Variants in OR2A12 observed in about 807,000 individuals in gnomAD.
OR2A12 encodes the protein olfactory receptor 2A12.
For missense variants in OR2A12, 380 were observed against 372.5 expected (o/e 1.02, Z -0.17); for synonymous variants, 153 against 149.3 (o/e 1.02, Z -0.18).
intron 1 of OR2A12, among the ~76,000 whole-genome samples, chr7:144,089,935 G>A (rs1586899864): frequency 6.6e-6 from 1 of 151,982 alleles, no homozygotes; most frequent in East Asian, 1.9e-4. Flanking sequence ...TTCACCTCTG[G>A]GTTCACTTTT....
rs2051283928 is a variant in OR2A12, at chr7:144,098,794, A to T, written c.*2754A>T. On this transcript the variant is annotated 3_prime_UTR_variant, in exon 2 of 2. Transcript: ENST00000641592. ...CTAACTCTATGTACAACTGTAGCTT[A>T]CACCAATGACCCATTGATTCAAGAC... The T allele has an allele frequency of 6.6e-6, 1 of 152,238 alleles. No homozygotes were observed. The highest frequency in any genetic ancestry group is 1.5e-5 in the Non-Finnish European group (1 of 68,036). 9.4% of individuals were successfully genotyped at this position (152,238 alleles called of 1,614,324 possible).
At chr7:144,094,532 T>C (rs1315949330) in intron 1 of OR2A12, among the ~76,000 whole-genome samples, 18 of 152,252 alleles carry the variant, frequency 1.2e-4, no homozygotes, top group Admixed American at 7.8e-4. Flanking sequence ...TATGAAGGAG[T>C]TGTCACATTT....
In OR2A12 at chr7:144,095,998, A is replaced by G. The variant is rs1426271447; in HGVS notation, c.891A>G (p.Lys297=). Residue 297 remains lysine, a synonymous_variant, in exon 2 of 2, where the codon AAA becomes AAG. Coordinates refer to ENST00000641592, the MANE Select transcript of OR2A12 (RefSeq NM_001004135.2). ...LIYSLRNAEV[K]GALKRVLWKQ... Reference sequence around the variant, plus strand: ...ACAGCCTTAGGAATGCAGAGGTGAAAGGGGCTCTAAAGAGAGTCCTTTGGA... The same window carrying G: ...ACAGCCTTAGGAATGCAGAGGTGAAGGGGGCTCTAAAGAGAGTCCTTTGGA... 2 of 1,611,492 alleles carry G rather than the reference A, an allele frequency of 1.2e-6. No individual in the cohort carries two copies. Among genetic ancestry groups the G allele is most frequent in the Admixed American group, 3.3e-5 (2 of 59,724 alleles).
chr7:144,091,525 T>C (rs551664778), intron 1 of OR2A12, among the ~76,000 whole-genome samples: 1 of 152,218 alleles, frequency 6.6e-6, no homozygotes, highest in Non-Finnish European at 1.5e-5. Context: ...CCAGCATCTG[T>C]TATGTTTTGA....
chr7:144,093,914 TG>T (rs563191979), intron 1 of OR2A12, among the ~76,000 whole-genome samples: 91 of 152,138 alleles, frequency 6.0e-4, no homozygotes, highest in African/African-American at 2.1e-3. Flanking sequence ...TCTTTGCTAT[TG>T]TGAATAGTGC....
In OR2A12 at chr7:144,095,408, T is replaced by C. The variant is rs774461418; in HGVS notation, c.301T>C (p.Phe101Leu). 2 of 1,613,698 alleles carry C rather than the reference T, an allele frequency of 1.2e-6. No individual in the cohort carries two copies. Among genetic ancestry groups the C allele is most frequent in the South Asian group, 1.1e-5 (1 of 91,076 alleles). Residue 101 changes from phenylalanine to leucine, a missense_variant, in exon 2 of 2, where the codon TTT (phenylalanine) becomes CTT (leucine). Coordinates refer to ENST00000641592, the MANE Select transcript of OR2A12 (RefSeq NM_001004135.2). The part of the protein sequence containing the change: ...ISFAPCILQT[F>L]LYLAFAITEC... ...CTTTGCTCCTTGCATACTTCAGACT[T>C]TTTTGTATTTGGCGTTTGCTATTAC...
chr7:144,095,596 G>A lies in OR2A12; in HGVS notation c.489G>A (p.Leu163=). The change falls in exon 2 of 2, where the codon CTG becomes CTA. Residue 163 remains leucine, a synonymous_variant. Coordinates refer to ENST00000641592, the MANE Select transcript of OR2A12 (RefSeq NM_001004135.2). ...LLALVHITLI[L]RLPFCGPQKI... ...CTCTGGTCCATATTACTCTTATTCT[G>A]AGGCTGCCTTTTTGTGGCCCACAAA... is the stretch of plus-strand genomic sequence containing the variant. 2 of 1,614,014 alleles carry A rather than the reference G, an allele frequency of 1.2e-6. No homozygotes were observed. Among genetic ancestry groups the A allele is most frequent in the Non-Finnish European group, 1.7e-6 (2 of 1,180,006 alleles).
rs2051263443 is a variant in OR2A12 at position 144,096,148 on chromosome 7, T to C, written c.*108T>C. The C allele has an allele frequency of 1.1e-5, 9 of 839,436 alleles. No individual in the cohort carries two copies. In the South Asian group the frequency reaches 1.4e-4, roughly 13 times the overall value. 52.0% of individuals were successfully genotyped at this position (839,436 alleles called of 1,614,324 possible). On this transcript the variant is annotated 3_prime_UTR_variant, in exon 2 of 2. Coordinates refer to ENST00000641592, the MANE Select transcript of OR2A12 (RefSeq NM_001004135.2). ...TACCACACCCAATACTGTTTATCTT[T>C]AGACTTCTTATAAAAAGAGAAACTG...
chr7:144,090,113 A>G (rs935662970), intron 1 of OR2A12, among the ~76,000 whole-genome samples: 7 of 152,180 alleles, frequency 4.6e-5, no homozygotes, highest in African/African-American at 1.2e-4. Context: ...AAGTAACAAC[A>G]GTAGCTCATT....
chr7:144,091,919 C>T (rs1469553704), intron 1 of OR2A12, among the ~76,000 whole-genome samples: 1 of 152,040 alleles, frequency 6.6e-6, no homozygotes, highest in Non-Finnish European at 1.5e-5. Context: ...CATGAAATTT[C>T]TGTCCATTTC....
chr7:144,095,352 C>G lies in OR2A12; in HGVS notation c.245C>G (p.Ala82Gly). The G allele has an allele frequency of 1.9e-6, 3 of 1,613,430 alleles. No individual in the cohort carries two copies. Among genetic ancestry groups the G allele is most frequent in the Non-Finnish European group, 2.5e-6 (3 of 1,179,436 alleles). The change falls in exon 2 of 2, where the codon GCA (alanine) becomes GGA (glycine). Residue 82 changes from alanine to glycine, a missense_variant. Ala to Gly is a moderately conservative substitution (Grantham distance 60, BLOSUM62 0). Coordinates refer to ENST00000641592, the MANE Select transcript of OR2A12 (RefSeq NM_001004135.2). ...TCGAGTACTGTCCCTAAGATGCTAG[C>G]AAATCTTGTGATGCACAAAAAAGTC... is the stretch of plus-strand genomic sequence containing the variant. ...YASSTVPKML[A>G]NLVMHKKVIS...
At chr7:144,094,424 T>A (rs2141561) in intron 1 of OR2A12, among the ~76,000 whole-genome samples, 2 of 152,144 alleles carry the variant, frequency 1.3e-5, no homozygotes, top group African/African-American at 4.8e-5. Context: ...GTACCACATC[T>A]CACAACAACT....
rs539744343 is a variant in OR2A12 at position 144,095,716 on chromosome 7, G to A, written c.609G>A (p.Ala203=). The change falls in exon 2 of 2, where the codon GCG becomes GCA. Residue 203 remains alanine, a synonymous_variant. Transcript: ENST00000641592. ...AGGTGGTCCTATTTGCGGGTTCTGC[G>A]TTCATCTTAGTGGGGCCGCTCTGCC... is the stretch of plus-strand genomic sequence containing the variant. ...LNQVVLFAGS[A]FILVGPLCLV... is the part of the protein sequence containing the mutation. 5.2e-5 allele frequency: 84 copies of A among 1,614,072 alleles called. 1 individual carries two copies. The highest frequency in any genetic ancestry group is 1.1e-4 in the African/African-American group (8 of 74,982).
chr7:144,095,771 G>T lies in OR2A12; in HGVS notation c.664G>T (p.Val222Leu). 1 of 1,614,078 alleles carries T rather than the reference G, an allele frequency of 6.2e-7. No homozygotes were observed. The highest frequency in any genetic ancestry group is 8.5e-7 in the Non-Finnish European group (1 of 1,180,020). ...GCTGGTCTCCTACTTGCACATCCTG[G>T]TGGCCATCTTGAGGATCCAGTCTGG... ...LVLVSYLHIL[V>L]AILRIQSGEG... The change falls in exon 2 of 2, where the codon GTG becomes TTG. Residue 222 changes from valine to leucine, a missense_variant. Transcript: ENST00000641592.
At chr7:144,094,861 G>A (rs1191034643) in intron 1 of OR2A12, among the ~76,000 whole-genome samples, 196 bp from the exon 2 acceptor site, 1 of 152,080 alleles carries the variant, frequency 6.6e-6, no homozygotes, top group Non-Finnish European at 1.5e-5. Context: ...AGAATCTAGA[G>A]ACACCAATTT....
chr7:144,094,563 T>G (rs1281762568), intron 1 of OR2A12, among the ~76,000 whole-genome samples: 1 of 152,204 alleles, frequency 6.6e-6, no homozygotes, highest in African/African-American at 2.4e-5. Flanking sequence ...AGGGTTTGCA[T>G]TTTGTATTTT....
chr7:144,096,224 C>G lies in OR2A12; in HGVS notation c.*184C>G. 2.0e-6 allele frequency: 1 copy of G among 501,254 alleles called. No individual in the cohort carries two copies. Among genetic ancestry groups the G allele is most frequent in the Non-Finnish European group, 3.5e-6 (1 of 286,260 alleles). 31.1% of individuals were successfully genotyped at this position (501,254 alleles called of 1,614,324 possible). ...AATCCCAACACTTTGGGAGGCTGAC[C>G]TGGGCGGATTACCTGAGGTCAGGAG... On this transcript the variant is annotated 3_prime_UTR_variant, in exon 2 of 2. Coordinates refer to ENST00000641592, the MANE Select transcript of OR2A12 (RefSeq NM_001004135.2).
rs550503898 is a variant in OR2A12 at position 144,092,090 on chromosome 7, A to G, written c.-51-2967A>G. Among the ~76,000 whole-genome samples, 30 of 152,244 alleles carry G rather than the reference A, an allele frequency of 2.0e-4. 2 individuals are homozygous for G. The South Asian group carries it at 6.2e-3, about 32-fold the overall frequency. On this transcript the variant is annotated intron_variant, in intron 1 of 1. Coordinates refer to ENST00000641592, the MANE Select transcript of OR2A12 (RefSeq NM_001004135.2). ...CATATGGCTAGCTAGTTCTCCCAGC[A>G]CCATTTACTGAATAGGGAGTGCTTT...
chr7:144,095,862 G>T lies in OR2A12; in HGVS notation c.755G>T (p.Gly252Val). 1 of 1,614,056 alleles carries T rather than the reference G, an allele frequency of 6.2e-7. No homozygotes were observed. The highest frequency in any genetic ancestry group is 8.5e-7 in the Non-Finnish European group (1 of 1,180,026). ...SHLCVVGLFF[G>V]SAIVMYMAPK... is the part of the protein sequence containing the mutation. ...CTCTGCGTGGTGGGGCTTTTCTTTG[G>T]CAGCGCCATTGTCATGTACATGGCC... Residue 252 changes from glycine to valine, a missense_variant, in exon 2 of 2, where the codon GGC (glycine) becomes GTC (valine). Physicochemically the swap from Gly to Val is moderately radical, Grantham distance 109. Transcript: ENST00000641592.
Sources: gnomAD v4.1 joint callset for allele counts (sites outside exome capture counted in the v4.1 genomes callset) on GRCh38, gnomAD v4.1.1 for gene constraint, MANE v1.5 for transcripts, NCBI Gene and HGNC (gene_info 2026-07-23, HGNC 2026-07-21) for gene names.